Variants in SEPTIN7 observed in about 807,000 individuals in gnomAD.
The protein encoded by SEPTIN7 is septin-7.
Under a neutral mutation model 63.3 loss-of-function variants are expected in SEPTIN7, and 10 were observed. The observed-to-expected ratio is 0.16, with a 90% confidence interval of 0.10 to 0.27. The LOEUF is 0.27. Among genes scored for constraint, SEPTIN7 ranks in the 10% least tolerant of loss-of-function variants. The probability of loss-of-function intolerance (pLI) is 1.00; values close to 1 mark genes in which losing one functional copy is unlikely to be tolerated. For synonymous variants in SEPTIN7, 131 were observed against 165.3 expected (o/e 0.79, Z 1.59); for missense variants, 310 against 521.0 (o/e 0.59, Z 3.94).
At chr7:35,911,072 A>C (rs1788732652), downstream of SEPTIN7, among the ~76,000 whole-genome samples, 1 of 152,008 alleles carries the variant, frequency 6.6e-6, no homozygotes. Flanking sequence ...GCTGAGGAGG[A>C]CCCCAACTGT....
chr7:35,894,085 C>T (rs1356994426), intron 11 of SEPTIN7, among the ~76,000 whole-genome samples: 1 of 150,362 alleles, frequency 6.7e-6, no homozygotes, highest in Non-Finnish European at 1.5e-5. Context: ...GATTGCTGAT[C>T]TCTTAAAGGA....
chr7:35,826,174 G>A (rs892324059), intron 1 of SEPTIN7, among the ~76,000 whole-genome samples: 5 of 151,908 alleles, frequency 3.3e-5, no homozygotes, highest in Non-Finnish European at 5.9e-5. Flanking sequence ...CCCTTAGGCT[G>A]TATGAGAGAT....
chr7:35,873,562 A>G, intron 5 of SEPTIN7, 79 bp from the exon 6 acceptor site: 5 of 1,392,686 alleles, frequency 3.6e-6, no homozygotes, highest in Non-Finnish European at 2.9e-6. Flanking sequence ...ATTTGAAAAT[A>G]CTGATTATTG....
chr7:35,803,252 T>G, intron 1 of SEPTIN7: 1 of 505,222 alleles, frequency 2.0e-6, no homozygotes, highest in African/African-American at 2.1e-5. Context: ...TAAAATTGGT[T>G]GTTCAGATTT....
At chr7:35,872,596 A>G (rs1786218001) in intron 4 of SEPTIN7, 70 bp from the exon 5 acceptor site, 2 of 1,184,588 alleles carry the variant, frequency 1.7e-6, no homozygotes, top group Non-Finnish European at 2.5e-6. Flanking sequence ...GAACGTCCCT[A>G]CCATCACCCC....
rs575341314 is a variant in SEPTIN7 at position 35,828,821 on chromosome 7, C to T, written c.62-2671C>T. 1.2e-3 allele frequency among the ~76,000 whole-genome samples: 189 copies of T among 152,308 alleles called. 1 individual carries two copies. The highest frequency in any genetic ancestry group is 4.4e-3 in the African/African-American group (182 of 41,562). On this transcript the variant is annotated intron_variant, in intron 1 of 13. Coordinates refer to ENST00000350320, the MANE Select transcript of SEPTIN7 (RefSeq NM_001788.6). ...TGTTGTCCAGGCTGGAGTGTAGTGGCATGATCACAGCTCACTGAAGCCTCA... is the reference window on the plus strand; with the variant it reads ...TGTTGTCCAGGCTGGAGTGTAGTGGTATGATCACAGCTCACTGAAGCCTCA...
At chr7:35,813,720 G>A (rs935738343) in intron 1 of SEPTIN7, among the ~76,000 whole-genome samples, 1 of 152,146 alleles carries the variant, frequency 6.6e-6, no homozygotes, top group African/African-American at 2.4e-5. Flanking sequence ...TACCTGCCTT[G>A]AAGTCCTATC....
intron 8 of SEPTIN7, among the ~76,000 whole-genome samples, chr7:35,883,105 C>A (rs912464412): frequency 2.0e-5 from 3 of 151,964 alleles, no homozygotes; most frequent in African/African-American, 7.2e-5. Flanking sequence ...ATGCTAATTA[C>A]CCTAATTCAA....
intron 11 of SEPTIN7, among the ~76,000 whole-genome samples, chr7:35,892,642 G>A (rs1328479148): frequency 6.6e-6 from 1 of 152,028 alleles, no homozygotes; most frequent in Non-Finnish European, 1.5e-5. Context: ...TTAAAGTAGT[G>A]CTGTTGGATG....
intron 3 of SEPTIN7, among the ~76,000 whole-genome samples, chr7:35,858,460 A>G (rs867726484): frequency 7.3e-5 from 11 of 151,474 alleles, no homozygotes; most frequent in African/African-American, 1.7e-4. Context: ...GATTCAAGCA[A>G]TTCTCCTGCC....
intron 4 of SEPTIN7, among the ~76,000 whole-genome samples, chr7:35,868,018 G>A (rs1037326110): frequency 1.5e-4 from 23 of 151,322 alleles, no homozygotes; most frequent in South Asian, 4.2e-4. Flanking sequence ...GATTACAGGC[G>A]CGTACTACAC....
intron 3 of SEPTIN7, among the ~76,000 whole-genome samples, chr7:35,847,593 C>T (rs1407391171): frequency 6.6e-6 from 1 of 152,128 alleles, no homozygotes; most frequent in Non-Finnish European, 1.5e-5. Flanking sequence ...GTACTTGCAA[C>T]TTTTTTAATG....
chr7:35,908,768 G>A (rs945704459), downstream of SEPTIN7, among the ~76,000 whole-genome samples: 4 of 152,152 alleles, frequency 2.6e-5, no homozygotes, highest in South Asian at 2.1e-4. Context: ...GCATTTCACC[G>A]GGAGATTTGC....
At chr7:35,830,268 G>A (rs904120112) in intron 1 of SEPTIN7, among the ~76,000 whole-genome samples, 2 of 152,154 alleles carry the variant, frequency 1.3e-5, no homozygotes, top group African/African-American at 4.8e-5. Context: ...TTGGGGGGTA[G>A]TTAGGGATTC....
intron 3 of SEPTIN7, 21 bp downstream of exon 3, chr7:35,832,921 A>G: frequency 7.3e-7 from 1 of 1,370,708 alleles, no homozygotes; most frequent in South Asian, 1.2e-5. Flanking sequence ...ATTTCTTACT[A>G]AAATGGAACT....
chr7:35,852,741 G>GA (rs1412067794), intron 3 of SEPTIN7, among the ~76,000 whole-genome samples: 2 of 152,016 alleles, frequency 1.3e-5, no homozygotes, highest in Non-Finnish European at 2.9e-5. Context: ...CACGATAATA[G>GA]AATCATTAAG....
At chr7:35,864,224 C>T (rs1389421028) in intron 4 of SEPTIN7, among the ~76,000 whole-genome samples, 11 of 152,096 alleles carry the variant, frequency 7.2e-5, no homozygotes, top group South Asian at 6.2e-4. Context: ...CTGTAAGACT[C>T]CCAAGGTATA....
chr7:35,823,232 G>A (rs761464747), intron 1 of SEPTIN7, among the ~76,000 whole-genome samples: 6 of 151,828 alleles, frequency 4.0e-5, no homozygotes, highest in African/African-American at 7.3e-5. Flanking sequence ...ACAGAGTTTC[G>A]CTCTTGTTGC....
intron 3 of SEPTIN7, among the ~76,000 whole-genome samples, chr7:35,839,785 C>T (rs1037259902): frequency 4.6e-5 from 7 of 152,092 alleles, no homozygotes; most frequent in African/African-American, 1.4e-4. Context: ...GAACTCCTGA[C>T]CTTGTGATCC....
Sources: allele counts gnomAD v4.1 joint callset (sites outside exome capture counted in the v4.1 genomes callset), GRCh38; gene constraint gnomAD v4.1.1; transcripts MANE v1.5; gene names NCBI Gene and HGNC (gene_info 2026-07-23, HGNC 2026-07-21).